The following APOOL variants were observed in gnomAD, a reference collection of about 807,000 sequenced individuals.
APOOL encodes MICOS complex subunit MIC27.
In APOOL, 12 loss-of-function variants were observed where a neutral mutation model predicts 23.1. That is an observed-to-expected ratio of 0.52 (90% confidence interval 0.33 to 0.84). The LOEUF is 0.84. Among genes scored for constraint, APOOL ranks in the 40% least tolerant of loss-of-function variants. The pLI, the probability that APOOL is intolerant of heterozygous loss-of-function variation, is 0.02. For missense variants in APOOL, 212 were observed against 199.6 expected (o/e 1.06, Z -0.37); for synonymous variants, 77 against 69.9 (o/e 1.10, Z -0.51).
chrX:85,092,912 G>A lies in APOOL; in HGVS notation c.*5234G>A, dbSNP rs763147097. 3.1e-6 allele frequency: 1 copy of A among 321,113 alleles called. No homozygotes were observed. The highest frequency in any genetic ancestry group is 5.4e-5 in the Admixed American group (1 of 18,497). The allele number at this position is 321,113 out of a possible 1,213,427, so 26.5% of individuals were successfully genotyped here. A position where few individuals can be genotyped will look rare whatever the true frequency, so the allele number is the denominator to read the frequency against. On this transcript the variant is annotated 3_prime_UTR_variant, in exon 9 of 9. Transcript: ENST00000373173. ...TGAGCCTGTGTTTTTGAATAAAAAT[G>A]CTTTCTAATCTCCCTCCTTCTTACT...
chrX:85,030,953 A>C (rs1244485484), intron 1 of APOOL, among the ~76,000 whole-genome samples: 1 of 111,752 alleles, frequency 8.9e-6, no homozygotes, highest in Non-Finnish European at 1.9e-5. Context: ...AATTTTTCAG[A>C]GTTCACCAGA....
intron 8 of APOOL, among the ~76,000 whole-genome samples, chrX:85,082,447 A>G (rs772980506): frequency 2.2e-4 from 24 of 111,214 alleles, no homozygotes; most frequent in African/African-American, 6.2e-4. Flanking sequence ...AATATTGCAG[A>G]ACAGAAAATA....
chrX:85,054,423 G>C (rs1392200553), intron 4 of APOOL, 25 bp downstream of exon 4: 7 of 1,103,333 alleles, frequency 6.3e-6, no homozygotes, highest in Non-Finnish European at 8.5e-6. Flanking sequence ...AATTAGAAAT[G>C]TTTTATTGTG....
intron 1 of APOOL, among the ~76,000 whole-genome samples, chrX:85,026,365 A>G (rs1433312045): frequency 4.4e-5 from 5 of 113,024 alleles, no homozygotes; most frequent in Non-Finnish European, 9.4e-5. Flanking sequence ...CTGCTGCAAA[A>G]GTGTCTGAAA....
intron 1 of APOOL, among the ~76,000 whole-genome samples, chrX:85,006,567 A>C (rs1286774777): frequency 1.8e-5 from 2 of 110,503 alleles, no homozygotes; most frequent in African/African-American, 6.6e-5. Flanking sequence ...TAAAAAAAAA[A>C]AAAACTAAAA....
chrX:85,041,496 A>T, intron 1 of APOOL, among the ~76,000 whole-genome samples: 1 of 111,639 alleles, frequency 9.0e-6, no homozygotes. Flanking sequence ...CTAGACAGGT[A>T]TAGCAGAGGC....
intron 5 of APOOL, among the ~76,000 whole-genome samples, chrX:85,056,723 A>G (rs767719018): frequency 5.4e-5 from 6 of 111,813 alleles, no homozygotes; most frequent in Admixed American, 1.9e-4. Context: ...AGCCTGGGCA[A>G]CAAGAGCGAA....
At position 85,093,093 on chromosome X, in the gene APOOL, A is replaced by G; in HGVS notation, c.*5415A>G. 1 of 903,496 alleles carries G rather than the reference A, an allele frequency of 1.1e-6. No homozygotes were observed. The allele number at this position is 903,496 out of a possible 1,213,427, so 74.5% of individuals were successfully genotyped here. On this transcript the variant is annotated 3_prime_UTR_variant, in exon 9 of 9. Transcript: ENST00000373173. The stretch of plus-strand genomic sequence containing the variant: ...GAAGTATATGTTGGGGTTATGTTCA[A>G]ATGGTGAGATTAATGATTTAATTTA...
chrX:85,061,574 A>C (rs1025643998), intron 5 of APOOL, among the ~76,000 whole-genome samples: 1 of 111,998 alleles, frequency 8.9e-6, no homozygotes, highest in African/African-American at 3.3e-5. Context: ...TTATTGGTCT[A>C]TTCAGAGATT....
At chrX:85,019,256 G>A (rs1226342228) in intron 1 of APOOL, among the ~76,000 whole-genome samples, 1 of 107,860 alleles carries the variant, frequency 9.3e-6, no homozygotes, top group Non-Finnish European at 2.0e-5. Flanking sequence ...GTTTTAATAA[G>A]TGAGGCCTAT....
At chrX:85,080,787 G>T (rs1350624135) in intron 8 of APOOL, among the ~76,000 whole-genome samples, 1 of 111,735 alleles carries the variant, frequency 8.9e-6, no homozygotes, top group African/African-American at 3.3e-5. Flanking sequence ...TGTATTGGGT[G>T]CATATATATT....
intron 1 of APOOL, 144 bp downstream of exon 1, chrX:85,004,071 TTTGAAGCCTCAA>T (rs1036105091): frequency 1.3e-6 from 1 of 759,607 alleles, no homozygotes; most frequent in Non-Finnish European, 2.0e-6. Context: ...ATCTTTATCG[TTTGAAGCCTCAA>T]GACACCTGCC....
intron 5 of APOOL, among the ~76,000 whole-genome samples, chrX:85,060,827 CAG>C (rs1248346341): frequency 9.0e-6 from 1 of 111,556 alleles, no homozygotes; most frequent in African/African-American, 3.3e-5. Flanking sequence ...CATCTGTGAA[CAG>C]GGACAATTTG....
chrX:85,008,071 T>G (rs1423010694), intron 1 of APOOL, among the ~76,000 whole-genome samples: 6 of 111,622 alleles, frequency 5.4e-5, no homozygotes. Context: ...CCCCAGGGAA[T>G]AGGTAGCTAT....
chrX:85,069,610 TAAAAAAAAAAAAAAA>T (rs774325087), intron 6 of APOOL, among the ~76,000 whole-genome samples: 6 of 40,961 alleles, frequency 1.5e-4, no homozygotes, highest in African/African-American at 6.0e-4. Flanking sequence ...ACGCCATCTC[TAAAAAAAAAAAAAAA>T]AAAAAAAAAA....
intron 1 of APOOL, among the ~76,000 whole-genome samples, chrX:85,017,908 C>T (rs1200408811): frequency 1.8e-5 from 2 of 111,927 alleles, no homozygotes; most frequent in Admixed American, 1.9e-4. Flanking sequence ...CGCTCCACTA[C>T]CATCAAAGGA....
rs139141784 is a variant in APOOL at position 85,013,780 on chromosome X, G to T, written c.15+9853G>T. Among the ~76,000 whole-genome samples, 110 of 111,828 alleles carry T rather than the reference G, an allele frequency of 9.8e-4. 1 individual carries two copies. Among genetic ancestry groups the T allele is most frequent in the African/African-American group, 3.3e-3 (102 of 30,880 alleles). ...AGAATGTTCCATGTCCTGATGAAAA[G>T]AATGTATATTCTGCAGTTTTGGGGT... On this transcript the variant is annotated intron_variant, in intron 1 of 8. Coordinates refer to ENST00000373173, the MANE Select transcript of APOOL (RefSeq NM_198450.6).
intron 1 of APOOL, among the ~76,000 whole-genome samples, chrX:85,014,565 C>A (rs1461154367): frequency 1.8e-5 from 1 of 54,603 alleles, no homozygotes; most frequent in Non-Finnish European, 4.0e-5. Flanking sequence ...CTTTATCTCT[C>A]CTTTATTTAT....
intron 1 of APOOL, among the ~76,000 whole-genome samples, chrX:85,041,023 G>A (rs1922384520): frequency 8.9e-6 from 1 of 111,862 alleles, no homozygotes; most frequent in Non-Finnish European, 1.9e-5. Flanking sequence ...TTCCTTTAAT[G>A]TTTGATGTTG....
Sources: gnomAD v4.1 joint callset for allele counts (sites outside exome capture counted in the v4.1 genomes callset) on GRCh38, gnomAD v4.1.1 for gene constraint, MANE v1.5 for transcripts, NCBI Gene and HGNC (gene_info 2026-07-23, HGNC 2026-07-21) for gene names.